Variants in TTYH1 observed in about 807,000 individuals in gnomAD.
The protein encoded by TTYH1 is tweety family member 1, also known as protein tweety homolog 1.
Under a neutral mutation model 61.2 loss-of-function variants are expected in TTYH1, and 33 were observed. That is an observed-to-expected ratio of 0.54 (90% confidence interval 0.41 to 0.72). The LOEUF (loss-of-function observed/expected upper bound fraction) is 0.72. Among genes scored for constraint, TTYH1 ranks in the 30% least tolerant of loss-of-function variants. TTYH1 has a pLI of 0.00. For missense variants in TTYH1, 538 were observed against 575.8 expected (o/e 0.93, Z 0.67); for synonymous variants, 308 against 266.4 (o/e 1.16, Z -1.52).
chr19:54,422,309 G>A lies in TTYH1; in HGVS notation c.537G>A (p.Ala179=), dbSNP rs779602597. The A allele has an allele frequency of 7.0e-6, 11 of 1,564,570 alleles. No homozygotes were observed. Among genetic ancestry groups the A allele is most frequent in the East Asian group, 4.7e-5 (2 of 42,494 alleles). ...VAAARGARRQ[A]EAAAQQLQGL... is the part of the protein sequence containing the mutation. The stretch of plus-strand genomic sequence containing the variant: ...CCGCCCGAGGGGCTCGACGGCAGGC[G>A]GAGGCTGCGGCCCAGCAGCTGCAGG... Residue 179 remains alanine, a synonymous_variant, in exon 4 of 14, where the codon GCG becomes GCA. Transcript: ENST00000376530.
At chr19:54,433,485 G>A (rs900224114) in intron 10 of TTYH1, 1 of 151,724 alleles carries the variant, frequency 6.6e-6, no homozygotes, top group Admixed American at 6.6e-5. Flanking sequence ...GCTTGAACCT[G>A]GGCAGTGGAG....
Position 54,416,001 on chromosome 19 carries a change from T to C in TTYH1, c.126+323T>C, listed in dbSNP as rs1444174598. On this transcript the variant is annotated intron_variant, in intron 1 of 13. Coordinates refer to ENST00000376530, the MANE Select transcript of TTYH1 (RefSeq NM_020659.4). The surrounding 1 kb of genome is among the most constrained non-coding windows in gnomAD (Gnocchi z 7.0). Reference sequence around the variant, plus strand: ...CTGCCTGGGAAGCCGGCCTCCAGGGTCATCGGGAGGGTAGGTCTACTCTTC... The same window carrying C: ...CTGCCTGGGAAGCCGGCCTCCAGGGCCATCGGGAGGGTAGGTCTACTCTTC... The C allele has an allele frequency of 2.3e-6, 3 of 1,332,512 alleles. No homozygotes were observed. The highest frequency in any genetic ancestry group is 3.0e-6 in the Non-Finnish European group (3 of 1,005,644). The allele number at this position is 1,332,512 out of a possible 1,614,324, so 82.5% of individuals were successfully genotyped here.
rs577383165 is a variant in TTYH1, at chr19:54,431,270, T to G, written c.1125+79T>G. ...CCACAGAACTACCTCCTCCTTCTCCTTGGACCCCTGCCATTGCGCCTGAGG... is the reference window on the plus strand; with the variant it reads ...CCACAGAACTACCTCCTCCTTCTCCGTGGACCCCTGCCATTGCGCCTGAGG... On this transcript the variant is annotated intron_variant, in intron 10 of 13. Transcript: ENST00000376530. The G allele has an allele frequency of 5.6e-4, 542 of 967,806 alleles. 2 individuals are homozygous for G. The African/African-American group carries it at 7.9e-3, about 14-fold the overall frequency. 60.0% of individuals were successfully genotyped at this position (967,806 alleles called of 1,614,324 possible).
chr19:54,415,571 T>G lies in TTYH1; in HGVS notation c.19T>G (p.Tyr7Asp). 6.7e-7 allele frequency: 1 copy of G among 1,494,260 alleles called. No individual in the cohort carries two copies. The highest frequency in any genetic ancestry group is 8.9e-7 in the Non-Finnish European group (1 of 1,127,870). The allele number at this position is 1,494,260 out of a possible 1,614,324, so 92.6% of individuals were successfully genotyped here. ...GGGGGCCATGGGGGCGCCCCCGGGC[T>G]ACCGGCCCTCAGCTTGGGTGCATCT... MGAPPG[Y>D]RPSAWVHLLH... The change falls in exon 1 of 14, where the codon TAC becomes GAC. Residue 7 changes from tyrosine to aspartate, a missense_variant. Tyr to Asp is a radical substitution (Grantham distance 160). This residue lies in a region of TTYH1 where 157 missense variants were observed against 157.0 expected (regional missense o/e 1.00). Transcript: ENST00000376530. The surrounding 1 kb of genome is among the most constrained non-coding windows in gnomAD (Gnocchi z 5.2).
At chr19:54,424,439 G>A (rs1053699704) in intron 4 of TTYH1, among the ~76,000 whole-genome samples, 2 of 152,232 alleles carry the variant, frequency 1.3e-5, no homozygotes, top group Non-Finnish European at 1.5e-5. Context: ...GCGCTCCAGC[G>A]GGGAAGGCCG....
rs1186862609 is a variant in TTYH1 at position 54,421,157 on chromosome 19, G to A, written c.306-120G>A. 1.3e-5 allele frequency: 9 copies of A among 684,690 alleles called. No individual in the cohort carries two copies. In the African/African-American group the frequency reaches 1.6e-4, roughly 12 times the overall value. 42.4% of individuals were successfully genotyped at this position (684,690 alleles called of 1,614,324 possible). ...TTTTCCCACGGGCTGGCCCAATGAG[G>A]TGGGGCTGAGATGGGAGGGGTGGAT... On this transcript the variant is annotated intron_variant, in intron 2 of 13. Transcript: ENST00000376530. This position sits in a 1 kb window ranked among gnomAD's most constrained non-coding sequence, Gnocchi z 4.8.
Position 54,421,714 on chromosome 19 carries a change from G to A in TTYH1, c.417+326G>A, listed in dbSNP as rs372778791. Among the ~76,000 whole-genome samples the A allele has an allele frequency of 8.5e-4, 129 of 152,148 alleles. 2 individuals carry two copies. The South Asian group carries it at 0.026, about 31-fold the overall frequency. The stretch of plus-strand genomic sequence containing the variant: ...GACCTGATTCTTGGCCCGTAAGCAA[G>A]CTCAGGGACCCCCGCCCTGAGGCCC... On this transcript the variant is annotated intron_variant, in intron 3 of 13. Coordinates refer to ENST00000376530, the MANE Select transcript of TTYH1 (RefSeq NM_020659.4). This position sits in a 1 kb window ranked among gnomAD's most constrained non-coding sequence, Gnocchi z 4.8.
At position 54,420,368 on chromosome 19, in the gene TTYH1, C is replaced by T. The variant is rs2083185423; in HGVS notation, c.306-909C>T. Among the ~76,000 whole-genome samples the T allele has an allele frequency of 6.6e-6, 1 of 152,084 alleles. No individual in the cohort carries two copies. The highest frequency in any genetic ancestry group is 2.1e-4 in the South Asian group (1 of 4,820). On this transcript the variant is annotated intron_variant, in intron 2 of 13. Transcript: ENST00000376530. The surrounding 1 kb of genome is among the most constrained non-coding windows in gnomAD (Gnocchi z 4.8). ...GGAGACAGGGGAGGTGGACAAAGGC[C>T]CAGTGGGGGAGAGACACGGCCCCAG...
At position 54,435,893 on chromosome 19, in the gene TTYH1, G is replaced by A; in HGVS notation, c.1314+20G>A. The A allele has an allele frequency of 6.2e-7, 1 of 1,612,420 alleles. No individual in the cohort carries two copies. Among genetic ancestry groups the A allele is most frequent in the Non-Finnish European group, 8.5e-7 (1 of 1,179,372 alleles). ...CCTCAGGTACTGGATGCCTGGGTCT[G>A]AGGGAGGAGGGGCGGGGGGTCCTGA... is the stretch of plus-strand genomic sequence containing the variant. On this transcript the variant is annotated intron_variant, in intron 12 of 13. Transcript: ENST00000376530.
At position 54,419,225 on chromosome 19, in the gene TTYH1, C is replaced by T. The variant is rs1394838026; in HGVS notation, c.224C>T (p.Pro75Leu). The T allele has an allele frequency of 1.2e-6, 2 of 1,610,170 alleles. No homozygotes were observed. Among genetic ancestry groups the T allele is most frequent in the East Asian group, 2.2e-5 (1 of 44,864 alleles). Reference sequence around the variant, plus strand: ...ATCCGCTTCTGCTGCTGCCGGCCCCCCGAGCCCCCCGGGTCCAAGATCCCC... The same window carrying T: ...ATCCGCTTCTGCTGCTGCCGGCCCCTCGAGCCCCCCGGGTCCAAGATCCCC... ...YLIRFCCCRP[P>L]EPPGSKIPSP... The change falls in exon 2 of 14, where the codon CCC becomes CTC. Residue 75 changes from proline (P) to leucine (L), a missense_variant. Coordinates refer to ENST00000376530, the MANE Select transcript of TTYH1 (RefSeq NM_020659.4). This position sits in a 1 kb window ranked among gnomAD's most constrained non-coding sequence, Gnocchi z 6.1.
intron 12 of TTYH1, 45 bp downstream of exon 12, chr19:54,435,918 A>C (rs777301441): frequency 1.4e-5 from 22 of 1,602,024 alleles, no homozygotes; most frequent in Non-Finnish European, 1.8e-5. Context: ...GGGGGTCCTG[A>C]ACTCCTGGGT....
chr19:54,420,293 G>A lies in TTYH1; in HGVS notation c.306-984G>A, dbSNP rs541492812. On this transcript the variant is annotated intron_variant, in intron 2 of 13. Transcript: ENST00000376530. This position sits in a 1 kb window ranked among gnomAD's most constrained non-coding sequence, Gnocchi z 4.8. ...CAGCGGGCAAGGGGAGGGACCTGTA[G>A]GGGTGGCCTGTATTCAGGACGCTTC... 1.1e-4 allele frequency among the ~76,000 whole-genome samples: 16 copies of A among 152,196 alleles called. No individual in the cohort carries two copies. The highest frequency in any genetic ancestry group is 3.2e-3 in the Middle Eastern group (1 of 316).
In TTYH1 at chr19:54,424,092, T is replaced by C. The variant is rs571836921; in HGVS notation, c.638+1682T>C. ...AGGAGAATCGCTTGAACCCAGGAAG[T>C]GGAGCTTGCAGTGAGCAGAGATCGT... is the stretch of plus-strand genomic sequence containing the variant. On this transcript the variant is annotated intron_variant, in intron 4 of 13. Transcript: ENST00000376530. Among the ~76,000 whole-genome samples, 92 of 150,842 alleles carry C rather than the reference T, an allele frequency of 6.1e-4. 1 individual carries two copies. Among genetic ancestry groups the C allele is most frequent in the Non-Finnish European group, 8.7e-4 (59 of 67,776 alleles).
intron 7 of TTYH1, 62 bp from the exon 8 acceptor site, chr19:54,430,488 C>A (rs1452756806): frequency 1.9e-6 from 3 of 1,576,360 alleles, no homozygotes; most frequent in Non-Finnish European, 2.6e-6. Flanking sequence ...CCCGGCCTTC[C>A]CCCGGGAGAT....
In TTYH1 at chr19:54,436,440, T is replaced by G; in HGVS notation, c.*150T>G. 6.4e-7 allele frequency: 1 copy of G among 1,550,582 alleles called. No homozygotes were observed. The highest frequency in any genetic ancestry group is 2.3e-5 in the East Asian group (1 of 44,442). On this transcript the variant is annotated 3_prime_UTR_variant, in exon 14 of 14. Coordinates refer to ENST00000376530, the MANE Select transcript of TTYH1 (RefSeq NM_020659.4). The surrounding 1 kb of genome is among the most constrained non-coding windows in gnomAD (Gnocchi z 4.3). ...CTGCACAGGACCGCCTCCCTGCTCT[T>G]GGCCACTGTGCTCCCATTTCTGTCC...
In TTYH1 at chr19:54,419,289, C is replaced by G. The variant is rs142265106; in HGVS notation, c.288C>G (p.Val96=). The G allele has an allele frequency of 5.6e-4, 897 of 1,600,372 alleles. 5 individuals are homozygous for G. Among genetic ancestry groups the G allele is most frequent in the Admixed American group, 1.4e-3 (86 of 59,792 alleles). The part of the protein sequence containing the change: ...GGGCVTWSCI[V]ALLAGCTGIG... ...GCTGCGTCACCTGGAGCTGCATTGTCGCCCTTCTCGCCGGCTGGTAATGGG... is the reference window on the plus strand; with the variant it reads ...GCTGCGTCACCTGGAGCTGCATTGTGGCCCTTCTCGCCGGCTGGTAATGGG... The change falls in exon 2 of 14, where the codon GTC becomes GTG. Residue 96 remains valine, a synonymous_variant. Coordinates refer to ENST00000376530, the MANE Select transcript of TTYH1 (RefSeq NM_020659.4). This position sits in a 1 kb window ranked among gnomAD's most constrained non-coding sequence, Gnocchi z 6.1.
At chr19:54,427,064 C>T (rs964493899) in intron 5 of TTYH1, among the ~76,000 whole-genome samples, 4 of 151,712 alleles carry the variant, frequency 2.6e-5, no homozygotes, top group Non-Finnish European at 4.4e-5. Flanking sequence ...TTTAGGAGGC[C>T]GAGGTGGGTG....
At chr19:54,426,860 G>A (rs1017601658) in intron 5 of TTYH1, 92 bp downstream of exon 5, 13 of 1,190,398 alleles carry the variant, frequency 1.1e-5, no homozygotes, top group African/African-American at 4.5e-5. Flanking sequence ...ACGGAGGACC[G>A]TGGTCCTTCA....
chr19:54,422,206 A>G lies in TTYH1; in HGVS notation c.434A>G (p.Glu145Gly). 6.4e-7 allele frequency: 1 copy of G among 1,563,240 alleles called. No homozygotes were observed. Among genetic ancestry groups the G allele is most frequent in the Non-Finnish European group, 8.7e-7 (1 of 1,154,368 alleles). Residue 145 changes from glutamate (E) to glycine (G), a missense_variant, in exon 4 of 14, where the codon GAG becomes GGG. By Grantham distance (98) the Glu-to-Gly change is moderately conservative. Transcript: ENST00000376530. ...TIDHLVLETV[E>G]RLGEAVRTEL... is the part of the protein sequence containing the mutation. ...TATCCCCAGGTGTTGGAGACGGTGG[A>G]GAGGCTGGGCGAGGCGGTGAGGACA...
Sources: gnomAD v4.1 joint callset for allele counts (sites outside exome capture counted in the v4.1 genomes callset) on GRCh38, gnomAD v4.1.1 for gene constraint, gnomAD v4.1.1 regional missense constraint, Gnocchi (gnomAD v3.1) non-coding constraint, MANE v1.5 for transcripts, NCBI Gene and HGNC (gene_info 2026-07-23, HGNC 2026-07-21) for gene names.